Variants in BTNL8 observed in about 807,000 individuals in gnomAD.
The protein encoded by BTNL8 is butyrophilin-like protein 8.
Under a neutral mutation model 36.1 loss-of-function variants are expected in BTNL8, and 22 were observed. The ratio of observed to expected loss-of-function variants is 0.61; its 90% CI spans 0.44 to 0.87. The LOEUF (loss-of-function observed/expected upper bound fraction) is 0.87. Ranked by LOEUF, BTNL8 falls within the 40% of genes least tolerant of loss-of-function variation. The pLI is 0.00. For missense variants in BTNL8, 526 were observed against 616.9 expected (o/e 0.85, Z 1.56); for synonymous variants, 203 against 235.6 (o/e 0.86, Z 1.27).
chr5:180,937,388 C>T (rs942709595), intron 3 of BTNL8, among the ~76,000 whole-genome samples: 28 of 152,182 alleles, frequency 1.8e-4, no homozygotes, highest in African/African-American at 6.8e-4. Flanking sequence ...CTTGAAGGTA[C>T]TTCCAATGTT....
rs192222449 is a variant in BTNL8, at chr5:180,929,764, G to A, written c.674-17748G>A. Among the ~76,000 whole-genome samples, 954 of 152,246 alleles carry A rather than the reference G, an allele frequency of 6.3e-3. 26 individuals are homozygous for A. Among genetic ancestry groups the A allele is most frequent in the Admixed American group, 0.049 (746 of 15,290 alleles). On this transcript the variant is annotated intron_variant, in intron 3 of 7. Transcript: ENST00000340184. ...ATACACCCTCCCAACACTAAACCAGGAAGAAGTCAAATCCCTGAATAGACC... is the reference window on the plus strand; with the variant it reads ...ATACACCCTCCCAACACTAAACCAGAAAGAAGTCAAATCCCTGAATAGACC...
At chr5:180,936,776 G>C (rs980159329) in intron 3 of BTNL8, among the ~76,000 whole-genome samples, 1 of 152,202 alleles carries the variant, frequency 6.6e-6, no homozygotes, top group African/African-American at 2.4e-5. Context: ...TGGTGGAGCT[G>C]CTGCCTGCCA....
At chr5:180,930,334 C>A (rs2113828996) in intron 3 of BTNL8, among the ~76,000 whole-genome samples, 1 of 152,304 alleles carries the variant, frequency 6.6e-6, no homozygotes, top group African/African-American at 2.4e-5. Context: ...CTACTTATGA[C>A]AAACCCACAG....
intron 3 of BTNL8, among the ~76,000 whole-genome samples, chr5:180,944,699 T>A (rs931940064): frequency 6.6e-6 from 1 of 152,250 alleles, no homozygotes; most frequent in African/African-American, 2.4e-5. Context: ...AAATGATCAA[T>A]GTTTTAGGTG....
At chr5:180,919,555 T>C (rs1037996735) in intron 3 of BTNL8, among the ~76,000 whole-genome samples, 2 of 152,228 alleles carry the variant, frequency 1.3e-5, no homozygotes, top group East Asian at 1.9e-4. Context: ...GCCAGAGCAA[T>C]TGGGCAAAAA....
At chr5:180,946,524 A>T (rs1213474640) in intron 3 of BTNL8, among the ~76,000 whole-genome samples, 3 of 152,230 alleles carry the variant, frequency 2.0e-5, no homozygotes, top group African/African-American at 4.8e-5. Context: ...CAGAAAGATG[A>T]ATCTCTTGTG....
At chr5:180,908,559 A>T (rs534754406) in intron 1 of BTNL8, 27 bp from the exon 2 acceptor site, 1 of 1,606,876 alleles carries the variant, frequency 6.2e-7, no homozygotes, top group African/African-American at 1.3e-5. Flanking sequence ...GGTTTTGATG[A>T]TTTATCTTTT....
chr5:180,948,228 A>G (rs1054161301), intron 4 of BTNL8, 127 bp from the exon 5 acceptor site: 12 of 1,313,944 alleles, frequency 9.1e-6, no homozygotes, highest in Middle Eastern at 1.9e-4. Context: ...ACGAGCACAT[A>G]TAAGTGTCCT....
chr5:180,932,779 AGATC>A (rs1758458419), intron 3 of BTNL8, among the ~76,000 whole-genome samples: 1 of 152,276 alleles, frequency 6.6e-6, no homozygotes, highest in Non-Finnish European at 1.5e-5. Context: ...TAAAAATAAA[AGATC>A]TACAAAACCA....
intron 3 of BTNL8, among the ~76,000 whole-genome samples, chr5:180,919,192 T>C (rs1484734281): frequency 6.6e-6 from 1 of 152,204 alleles, no homozygotes; most frequent in Non-Finnish European, 1.5e-5. Context: ...CAGTTGGGAT[T>C]TGGTATCTTA....
chr5:180,915,685 T>TCATTTAC (rs1757596512), intron 3 of BTNL8, among the ~76,000 whole-genome samples: 1 of 152,226 alleles, frequency 6.6e-6, no homozygotes, highest in African/African-American at 2.4e-5. Context: ...ATTAAAAGAT[T>TCATTTAC]CATTTACCAT....
intron 3 of BTNL8, among the ~76,000 whole-genome samples, chr5:180,929,088 A>G (rs1028539316): frequency 3.3e-5 from 5 of 152,228 alleles, no homozygotes; most frequent in African/African-American, 9.6e-5. Flanking sequence ...AGCAAATGCA[A>G]AAGAATGTAA....
chr5:180,931,411 T>A (rs1380369740), intron 3 of BTNL8, among the ~76,000 whole-genome samples: 10 of 152,150 alleles, frequency 6.6e-5, no homozygotes, highest in Admixed American at 6.5e-4. Flanking sequence ...AAAGACTTCA[T>A]GACTAAAACA....
chr5:180,935,147 G>C lies in BTNL8; in HGVS notation c.674-12365G>C, dbSNP rs1758585867. 6.6e-6 allele frequency among the ~76,000 whole-genome samples: 1 copy of C among 152,158 alleles called. No individual in the cohort carries two copies. Among genetic ancestry groups the C allele is most frequent in the East Asian group, 1.9e-4 (1 of 5,188 alleles). On this transcript the variant is annotated intron_variant, in intron 3 of 7. Coordinates refer to ENST00000340184, the MANE Select transcript of BTNL8 (RefSeq NM_001040462.3). This position sits in a 1 kb window ranked among gnomAD's most constrained non-coding sequence, Gnocchi z 4.8. ...AGTGCATGCTGATTGGTTCATGGAT[G>C]GCCATGGGTGGCTGGGAAAAAGCAC...
chr5:180,899,371 C>T lies in BTNL8; in HGVS notation c.49+12C>T, dbSNP rs377491635. 17 of 1,610,220 alleles carry T rather than the reference C, an allele frequency of 1.1e-5. No individual in the cohort carries two copies. Among genetic ancestry groups the T allele is most frequent in the African/African-American group, 6.7e-5 (5 of 74,798 alleles). On this transcript the variant is annotated intron_variant, in intron 1 of 7. Transcript: ENST00000340184. ...CAAGCTGGGATCAGGTAAGACTCAT[C>T]TTTGTTTCCTCCTTACTAACTAACA...
intron 3 of BTNL8, among the ~76,000 whole-genome samples, chr5:180,936,616 C>A (rs1383542896): frequency 6.6e-6 from 1 of 152,190 alleles, no homozygotes; most frequent in Non-Finnish European, 1.5e-5. Flanking sequence ...ATCCTGTGTT[C>A]ATAATTGGAA....
chr5:180,901,809 A>G (rs2591479), intron 1 of BTNL8, among the ~76,000 whole-genome samples: 9,601 of 152,300 alleles, frequency 0.063, 417 homozygotes, highest in South Asian at 0.12. Context: ...GCTAAAATAA[A>G]GTGGAAAAAA....
intron 1 of BTNL8, among the ~76,000 whole-genome samples, chr5:180,907,862 G>T (rs1217121044): frequency 1.3e-5 from 2 of 150,984 alleles, no homozygotes; most frequent in Non-Finnish European, 3.0e-5. Context: ...CACTTGAGGA[G>T]GCAGTCTGCC....
chr5:180,915,713 C>T (rs1757597814), intron 3 of BTNL8, among the ~76,000 whole-genome samples: 1 of 152,162 alleles, frequency 6.6e-6, no homozygotes, highest in Admixed American at 6.5e-5. Flanking sequence ...TGAGCTTTAT[C>T]CTTGGAACAT....
Sources: allele counts gnomAD v4.1 joint callset (sites outside exome capture counted in the v4.1 genomes callset), GRCh38; gene constraint gnomAD v4.1.1; non-coding constraint Gnocchi (gnomAD v3.1); transcripts MANE v1.5; gene names NCBI Gene and HGNC (gene_info 2026-07-23, HGNC 2026-07-21).